CRYL1: variants seen among roughly 807,000 people sequenced by gnomAD.
CRYL1 encodes the protein lambda-crystallin homolog.
CRYL1 carries 29 observed loss-of-function variants against 36.6 expected under a neutral mutation model. The ratio of observed to expected loss-of-function variants is 0.79; its 90% CI spans 0.59 to 1.08. The LOEUF is 1.08. Among genes scored for constraint, CRYL1 ranks in the 50% least tolerant of loss-of-function variants. The pLI, the probability that CRYL1 is intolerant of heterozygous loss-of-function variation, is 0.00. For synonymous variants in CRYL1, 152 were observed against 151.5 expected, an observed-to-expected ratio of 1.00 and a Z score of -0.02; for missense variants, 411 against 407.9, an observed-to-expected ratio of 1.01 and a Z score of -0.06.
chr13:20,479,408 C>A (rs534703482), intron 3 of CRYL1, among the ~76,000 whole-genome samples: 5 of 151,980 alleles, frequency 3.3e-5, no homozygotes, highest in Non-Finnish European at 7.4e-5. Context: ...ATGAACTTGC[C>A]CTGAAGAAAG....
At chr13:20,438,862 AAAC>A (rs2032289722) in intron 4 of CRYL1, among the ~76,000 whole-genome samples, 1 of 152,202 alleles carries the variant, frequency 6.6e-6, no homozygotes, top group Non-Finnish European at 1.5e-5. Flanking sequence ...GTTGGGGCTC[AAAC>A]GTCGTTCACT....
At chr13:20,444,844 G>T (rs534532389) in intron 3 of CRYL1, among the ~76,000 whole-genome samples, 2 of 152,316 alleles carry the variant, frequency 1.3e-5, no homozygotes, top group East Asian at 3.9e-4. Flanking sequence ...AGCCTCCAGA[G>T]TAGCTGGGAT....
At chr13:20,405,241 G>A (rs150221922) in intron 6 of CRYL1, among the ~76,000 whole-genome samples, 5 of 151,748 alleles carry the variant, frequency 3.3e-5, no homozygotes, top group African/African-American at 4.8e-5. Flanking sequence ...ACTGTACTCC[G>A]GCCTGGGCAA....
intron 4 of CRYL1, among the ~76,000 whole-genome samples, chr13:20,434,808 G>C (rs1364026863): frequency 1.3e-5 from 2 of 151,502 alleles, no homozygotes; most frequent in Non-Finnish European, 2.9e-5. Context: ...AACCCACCAA[G>C]ACCAACTCCG....
Position 20,454,884 on chromosome 13 carries a change from C to T in CRYL1, c.277-15130G>A, listed in dbSNP as rs143076839. 3.9e-3 allele frequency among the ~76,000 whole-genome samples: 592 copies of T among 152,266 alleles called. 5 individuals carry two copies. Among genetic ancestry groups the T allele is most frequent in the Non-Finnish European group, 5.8e-3 (395 of 67,998 alleles). ...AATAAGGCAAGCTGTCTCACTCTGTCGCCCAGGCTGGACAGATTCTATTCC... is the reference window on the plus strand; with the variant it reads ...AATAAGGCAAGCTGTCTCACTCTGTTGCCCAGGCTGGACAGATTCTATTCC... On this transcript the variant is annotated intron_variant, in intron 3 of 7. Coordinates refer to ENST00000298248, the MANE Select transcript of CRYL1 (RefSeq NM_015974.3).
Position 20,489,384 on chromosome 13 carries a change from C to T in CRYL1, c.262G>A (p.Ala88Thr), listed in dbSNP as rs757294153. Residue 88 changes from alanine (A) to threonine (T), a missense_variant, in exon 3 of 8, where the codon GCC becomes ACC. Ala to Thr is a moderately conservative substitution (Grantham distance 58, BLOSUM62 0). Coordinates refer to ENST00000298248, the MANE Select transcript of CRYL1 (RefSeq NM_015974.3). ...CCTTCACTCACCTGAATGTGCATGG[C>T]ACCCTCTACTGCTTCTTGGATATTG... ...CPNIQEAVEG[A>T]MHIQECVPED... is the part of the protein sequence containing the mutation. 6.8e-6 allele frequency: 11 copies of T among 1,613,318 alleles called. No individual in the cohort carries two copies. The highest frequency in any genetic ancestry group is 1.3e-5 in the African/African-American group (1 of 74,918).
chr13:20,510,332 G>A (rs764815209), intron 2 of CRYL1, among the ~76,000 whole-genome samples: 1 of 152,172 alleles, frequency 6.6e-6, no homozygotes, highest in Admixed American at 6.5e-5. Flanking sequence ...TCAAGCTCAA[G>A]CCATGAAAAG....
At position 20,481,815 on chromosome 13, in the gene CRYL1, G is replaced by T. The variant is rs896704252; in HGVS notation, c.276+7555C>A. 5.3e-5 allele frequency among the ~76,000 whole-genome samples: 8 copies of T among 152,098 alleles called. No individual in the cohort carries two copies. The highest frequency in any genetic ancestry group is 8.8e-5 in the Non-Finnish European group (6 of 68,024). On this transcript the variant is annotated intron_variant, in intron 3 of 7. Transcript: ENST00000298248. This position sits in a 1 kb window ranked among gnomAD's most constrained non-coding sequence, Gnocchi z 4.1. ...AATCCCAGCTACTTGGGAGGCTGAG[G>T]TAGGAGAATTGCTTTAACCCGGGAA... is the stretch of plus-strand genomic sequence containing the variant.
chr13:20,470,910 CAAAAAAA>C, intron 3 of CRYL1, among the ~76,000 whole-genome samples: 1 of 40,902 alleles, frequency 2.4e-5, no homozygotes, highest in East Asian at 7.2e-4. Context: ...AACTCCATCT[CAAAAAAA>C]AAAAAAAAAC....
chr13:20,442,611 G>C (rs2032372654), intron 3 of CRYL1, among the ~76,000 whole-genome samples: 1 of 152,182 alleles, frequency 6.6e-6, no homozygotes, highest in African/African-American at 2.4e-5. Flanking sequence ...CTCCAACCCA[G>C]AGAGATGCAA....
chr13:20,406,738 G>A (rs2031387088), intron 6 of CRYL1, among the ~76,000 whole-genome samples: 1 of 151,626 alleles, frequency 6.6e-6, no homozygotes, highest in African/African-American at 2.4e-5. Context: ...GGTGGGGGAG[G>A]GCAGAGACAC....
intron 3 of CRYL1, among the ~76,000 whole-genome samples, chr13:20,476,482 C>A (rs761309652): frequency 6.6e-6 from 1 of 152,296 alleles, no homozygotes; most frequent in South Asian, 2.1e-4. Flanking sequence ...TTGATTTCCC[C>A]CAGTGGTTCA....
intron 2 of CRYL1, among the ~76,000 whole-genome samples, chr13:20,508,437 A>G (rs953573523): frequency 2.0e-5 from 3 of 152,182 alleles, no homozygotes; most frequent in African/African-American, 7.2e-5. Context: ...CATTCTTTAC[A>G]ATTATAAAAT....
At chr13:20,489,925 AC>A (rs1416943719) in intron 2 of CRYL1, among the ~76,000 whole-genome samples, 2 of 152,252 alleles carry the variant, frequency 1.3e-5, no homozygotes, top group African/African-American at 4.8e-5. Flanking sequence ...AGATAAAAAA[AC>A]ATGGTACATA....
At chr13:20,469,101 C>T (rs1043898831) in intron 3 of CRYL1, among the ~76,000 whole-genome samples, 35 of 152,258 alleles carry the variant, frequency 2.3e-4, no homozygotes, top group African/African-American at 7.5e-4. Flanking sequence ...ACCATAGATA[C>T]GACCAACAAC....
chr13:20,437,678 A>AT (rs1358054653), intron 4 of CRYL1, among the ~76,000 whole-genome samples: 1 of 152,308 alleles, frequency 6.6e-6, no homozygotes, highest in East Asian at 1.9e-4. Flanking sequence ...AAGTGTCATT[A>AT]TTCAACAGTT....
chr13:20,514,327 G>GT (rs2033965036), intron 1 of CRYL1, among the ~76,000 whole-genome samples: 1 of 152,200 alleles, frequency 6.6e-6, no homozygotes, highest in East Asian at 1.9e-4. Context: ...ATAAGACAAA[G>GT]TGAAAACGAT....
Position 20,425,835 on chromosome 13 carries a change from G to A in CRYL1, c.633+6267C>T, listed in dbSNP as rs1257556812. Among the ~76,000 whole-genome samples the A allele has an allele frequency of 6.6e-6, 1 of 152,028 alleles. No individual in the cohort carries two copies. Among genetic ancestry groups the A allele is most frequent in the Non-Finnish European group, 1.5e-5 (1 of 68,020 alleles). On this transcript the variant is annotated intron_variant, in intron 5 of 7. Coordinates refer to ENST00000298248, the MANE Select transcript of CRYL1 (RefSeq NM_015974.3). This position sits in a 1 kb window ranked among gnomAD's most constrained non-coding sequence, Gnocchi z 4.4. ...AATGCAGTGGATTATGCGCAAACCT[G>A]GCTGACAGCATGAGATCAGGCCCCA...
intron 3 of CRYL1, among the ~76,000 whole-genome samples, chr13:20,456,570 C>T (rs1454401694): frequency 6.6e-6 from 1 of 150,558 alleles, no homozygotes; most frequent in Non-Finnish European, 1.5e-5. Flanking sequence ...GAGCTATGAT[C>T]TGTACTCAGG....
Sources: allele counts gnomAD v4.1 joint callset (sites outside exome capture counted in the v4.1 genomes callset), GRCh38; gene constraint gnomAD v4.1.1; non-coding constraint Gnocchi (gnomAD v3.1); transcripts MANE v1.5; gene names NCBI Gene and HGNC (gene_info 2026-07-23, HGNC 2026-07-21).